The following RBFOX1 variants were observed in gnomAD, a reference collection of about 807,000 sequenced individuals.
RBFOX1 encodes RNA binding protein fox-1 homolog 1.
A neutral mutation model predicts 57.7 loss-of-function variants in RBFOX1; 8 were observed. That is an observed-to-expected ratio of 0.14 (90% CI 0.08 to 0.25). RBFOX1 has a LOEUF of 0.25. Among genes scored for constraint, RBFOX1 ranks in the 10% least tolerant of loss-of-function variants. RBFOX1 has a pLI of 1.00. For missense variants in RBFOX1, 611 were observed against 548.5 expected (o/e 1.11, Z -1.14); for synonymous variants, 326 against 222.4 (o/e 1.47, Z -4.15).
intron 3 of RBFOX1, among the ~76,000 whole-genome samples, chr16:5,723,782 C>G (rs1459557107): frequency 6.6e-6 from 1 of 152,200 alleles, no homozygotes. Flanking sequence ...CCACAGGCAG[C>G]TATGGAGAAA....
At chr16:6,276,596 G>C (rs2075823718) in intron 1 of RBFOX1, among the ~76,000 whole-genome samples, 1 of 152,126 alleles carries the variant, frequency 6.6e-6, no homozygotes, top group East Asian at 1.9e-4. Flanking sequence ...TTCCACCTTG[G>C]CCTCCAAAAG....
At chr16:6,122,392 A>G (rs2096557468) in intron 1 of RBFOX1, among the ~76,000 whole-genome samples, 1 of 147,082 alleles carries the variant, frequency 6.8e-6, no homozygotes, top group Non-Finnish European at 1.5e-5. Flanking sequence ...ACACACACAC[A>G]CACATTTTTA....
chr16:6,055,692 A>G (rs2152446185), intron 1 of RBFOX1, among the ~76,000 whole-genome samples: 1 of 152,176 alleles, frequency 6.6e-6, no homozygotes, highest in East Asian at 1.9e-4. Flanking sequence ...AAAAAGTGAA[A>G]TCATTGCGAT....
intron 4 of RBFOX1, among the ~76,000 whole-genome samples, chr16:7,221,891 A>G (rs2092758169): frequency 6.6e-6 from 1 of 152,230 alleles, no homozygotes; most frequent in Non-Finnish European, 1.5e-5. Context: ...ACAAGAGCTG[A>G]CATCTCTTCA....
intron 3 of RBFOX1, among the ~76,000 whole-genome samples, chr16:6,801,093 A>T (rs1050045548): frequency 6.6e-6 from 1 of 151,858 alleles, no homozygotes; most frequent in African/African-American, 2.4e-5. Flanking sequence ...GCGGATTGCC[A>T]TTCAGTAGAT....
At chr16:7,699,287 G>A (rs74973518) in intron 14 of RBFOX1, among the ~76,000 whole-genome samples, 11 of 18,326 alleles carry the variant, frequency 6.0e-4, no homozygotes, top group African/African-American at 1.6e-3. Context: ...GACCTCCTGG[G>A]ATCTAGCGAT....
intron 2 of RBFOX1, among the ~76,000 whole-genome samples, chr16:5,502,687 A>G (rs951590429): frequency 1.3e-5 from 2 of 152,182 alleles, no homozygotes; most frequent in African/African-American, 2.4e-5. Context: ...ACAGGCAGCA[A>G]CCATATTAAC....
At chr16:7,088,055 G>C (rs529806300) in intron 4 of RBFOX1, among the ~76,000 whole-genome samples, 1 of 152,308 alleles carries the variant, frequency 6.6e-6, no homozygotes, top group Non-Finnish European at 1.5e-5. Flanking sequence ...TCCAGTGGGA[G>C]TTCAGGCAAG....
intron 3 of RBFOX1, among the ~76,000 whole-genome samples, chr16:5,839,495 C>T (rs1266570880): frequency 6.6e-6 from 1 of 152,164 alleles, no homozygotes; most frequent in Admixed American, 6.5e-5. Context: ...TCCAGTACAA[C>T]TCAGGAAACA....
chr16:7,602,333 G>C (rs2095069921), intron 9 of RBFOX1, among the ~76,000 whole-genome samples: 1 of 152,160 alleles, frequency 6.6e-6, no homozygotes. Flanking sequence ...CTGATACAGA[G>C]CCAGACCCCA....
At chr16:6,096,783 T>C (rs1416436105) in intron 1 of RBFOX1, among the ~76,000 whole-genome samples, 1 of 152,238 alleles carries the variant, frequency 6.6e-6, no homozygotes, top group African/African-American at 2.4e-5. Context: ...CCCTTGATTA[T>C]CTACCCTGTG....
At chr16:6,347,803 C>T (rs981587579) in intron 2 of RBFOX1, among the ~76,000 whole-genome samples, 7 of 152,188 alleles carry the variant, frequency 4.6e-5, no homozygotes, top group Non-Finnish European at 1.0e-4. Flanking sequence ...CTGGCCCATT[C>T]CTCTAACTAA....
chr16:7,280,706 T>A (rs1451341392), intron 4 of RBFOX1, among the ~76,000 whole-genome samples: 1 of 152,280 alleles, frequency 6.6e-6, no homozygotes, highest in Non-Finnish European at 1.5e-5. Context: ...TTGGACCAGA[T>A]TGATAGTTCA....
chr16:6,167,547 C>T (rs919481470), intron 1 of RBFOX1, among the ~76,000 whole-genome samples: 3 of 152,078 alleles, frequency 2.0e-5, no homozygotes, highest in Admixed American at 1.3e-4. Context: ...TTTTTGGATG[C>T]CCATCTTATC....
At chr16:6,874,750 ACATAATGT>A (rs1388963736) in intron 3 of RBFOX1, among the ~76,000 whole-genome samples, 1 of 152,030 alleles carries the variant, frequency 6.6e-6, no homozygotes, top group Non-Finnish European at 1.5e-5. Context: ...ATAAAAAATG[ACATAATGT>A]ACTCTTGGGA....
chr16:5,796,566 C>CTGA (rs5815269), intron 3 of RBFOX1, among the ~76,000 whole-genome samples: 2,582 of 151,626 alleles, frequency 0.017, 69 homozygotes, highest in African/African-American at 0.057. Flanking sequence ...TCTCCACACC[C>CTGA]TGATGATGAT....
intron 14 of RBFOX1, among the ~76,000 whole-genome samples, chr16:7,680,379 C>T (rs2074424065): frequency 6.6e-6 from 1 of 152,172 alleles, no homozygotes; most frequent in Non-Finnish European, 1.5e-5. Context: ...CCCAGACAGA[C>T]AGACATTTGT....
At chr16:5,993,653 A>G (rs1353629861) in intron 4 of RBFOX1, among the ~76,000 whole-genome samples, 1 of 152,208 alleles carries the variant, frequency 6.6e-6, no homozygotes, top group East Asian at 1.9e-4. Flanking sequence ...TCAAGGAGCC[A>G]TAATCAAGAT....
chr16:6,907,224 C>T (rs1038503124), intron 3 of RBFOX1, among the ~76,000 whole-genome samples: 17 of 152,068 alleles, frequency 1.1e-4, no homozygotes, highest in African/African-American at 3.1e-4. Context: ...TGTTAAATAT[C>T]CTACAGTGCG....
Sources: gnomAD v4.1 joint callset for allele counts (sites outside exome capture counted in the v4.1 genomes callset) on GRCh38, gnomAD v4.1.1 for gene constraint, MANE v1.5 for transcripts, NCBI Gene and HGNC (gene_info 2026-07-23, HGNC 2026-07-21) for gene names.